Variants in MPC1 observed in about 807,000 individuals in gnomAD.
MPC1 encodes the protein mitochondrial pyruvate carrier 1.
Under a neutral mutation model 13.9 loss-of-function variants are expected in MPC1, and 6 were observed. The ratio of observed to expected loss-of-function variants is 0.43; its 90% CI spans 0.24 to 0.85. MPC1 has a LOEUF of 0.85. Ranked by LOEUF, MPC1 falls within the 40% of genes least tolerant of loss-of-function variation. The pLI is 0.24. For missense variants in MPC1, 115 were observed against 143.3 expected, an observed-to-expected ratio of 0.80 and a Z score of 1.01; for synonymous variants, 47 against 50.5, an observed-to-expected ratio of 0.93 and a Z score of 0.29.
chr6:166,372,434 A>C (rs940069741), intron 1 of MPC1, among the ~76,000 whole-genome samples: 1 of 151,410 alleles, frequency 6.6e-6, no homozygotes, highest in African/African-American at 2.5e-5. Context: ...CAAATGTATG[A>C]GAATAAGGAT....
intron 1 of MPC1, among the ~76,000 whole-genome samples, chr6:166,378,982 G>A (rs1024155177): frequency 1.3e-5 from 2 of 152,046 alleles, no homozygotes; most frequent in South Asian, 4.1e-4. Flanking sequence ...TAGGTTTAAC[G>A]GTATTATTAT....
At position 166,382,905 on chromosome 6, in the gene MPC1, T is replaced by G; in HGVS notation, c.-29A>C. 1 of 1,579,624 alleles carries G rather than the reference T, an allele frequency of 6.3e-7. No homozygotes were observed. Among genetic ancestry groups the G allele is most frequent in the Admixed American group, 1.7e-5 (1 of 57,344 alleles). ...TGTGCCGACACCAGACCCCGAGTGG[T>G]CCCTGCCTCTGCTGCCGCTTCCCAG... is the stretch of plus-strand genomic sequence containing the variant. On this transcript the variant is annotated 5_prime_UTR_variant, in exon 1 of 5. Transcript: ENST00000360961.
At chr6:166,382,657 C>T (rs745351305) in intron 1 of MPC1, 149 bp downstream of exon 1, 23 of 781,808 alleles carry the variant, frequency 2.9e-5, no homozygotes, top group African/African-American at 3.7e-5. Context: ...TGGGGCCCCC[C>T]TGACAAGCGC....
intron 1 of MPC1, among the ~76,000 whole-genome samples, chr6:166,378,243 C>T (rs1779639766): frequency 6.6e-6 from 1 of 152,124 alleles, no homozygotes; most frequent in Non-Finnish European, 1.5e-5. Context: ...GAAAGCTTTC[C>T]TGGAGACTCA....
intron 1 of MPC1, among the ~76,000 whole-genome samples, chr6:166,371,081 T>C (rs917824771): frequency 1.3e-5 from 2 of 152,216 alleles, no homozygotes; most frequent in African/African-American, 4.8e-5. Context: ...CTGTGGCTAG[T>C]GGCTCTCAAA....
rs3734604 is a variant in MPC1, at chr6:166,381,365, G to A, written c.71+1441C>T. 6.1e-4 allele frequency among the ~76,000 whole-genome samples: 93 copies of A among 152,256 alleles called. 3 individuals carry two copies. The East Asian group carries it at 0.016, about 26-fold the overall frequency. Reference sequence around the variant, plus strand: ...TTTCCTACCCTACTGCTCTATAAAAGTAGAAGTAAACAGTATTTGCAATAA... The same window carrying A: ...TTTCCTACCCTACTGCTCTATAAAAATAGAAGTAAACAGTATTTGCAATAA... On this transcript the variant is annotated intron_variant, in intron 1 of 4. Transcript: ENST00000360961.
chr6:166,370,165 G>A, intron 2 of MPC1, 53 bp downstream of exon 2: 2 of 780,966 alleles, frequency 2.6e-6, no homozygotes, highest in Non-Finnish European at 4.8e-6. Context: ...CCCTAACTCT[G>A]TTAATGCAGA....
At chr6:166,380,262 C>T (rs1779720147) in intron 1 of MPC1, among the ~76,000 whole-genome samples, 1 of 152,174 alleles carries the variant, frequency 6.6e-6, no homozygotes, top group Non-Finnish European at 1.5e-5. Flanking sequence ...ATTTAATTTT[C>T]TTGATAACCC....
chr6:166,368,729 T>C (rs890441141), intron 2 of MPC1: 1 of 982,976 alleles, frequency 1.0e-6, no homozygotes, highest in Non-Finnish European at 1.2e-6. Context: ...CCTTACCTAC[T>C]TACTTCTTTT....
Position 166,365,714 on chromosome 6 carries a change from A to G in MPC1, c.305+260T>C, listed in dbSNP as rs1166526570. On this transcript the variant is annotated intron_variant, in intron 4 of 4. Coordinates refer to ENST00000360961, the MANE Select transcript of MPC1 (RefSeq NM_016098.4). This position sits in a 1 kb window ranked among gnomAD's most constrained non-coding sequence, Gnocchi z 4.2. ...AAAATCCAAAATCCAAAATGCTCCA[A>G]TGAGCACTTCCTTTGAGTGTCATGT... Among the ~76,000 whole-genome samples, 1 of 152,224 alleles carries G rather than the reference A, an allele frequency of 6.6e-6. No individual in the cohort carries two copies. The highest frequency in any genetic ancestry group is 6.5e-5 in the Admixed American group (1 of 15,286).
chr6:166,368,127 T>A (rs1328350637), intron 2 of MPC1, among the ~76,000 whole-genome samples: 1 of 152,200 alleles, frequency 6.6e-6, no homozygotes, highest in Non-Finnish European at 1.5e-5. Flanking sequence ...GCTGGCTAAT[T>A]AGTTATCTTG....
intron 1 of MPC1, among the ~76,000 whole-genome samples, chr6:166,379,181 A>G (rs1372313273): frequency 4.0e-5 from 6 of 151,808 alleles, no homozygotes; most frequent in Admixed American, 3.3e-4. Flanking sequence ...TCAGTGAAAT[A>G]AAAAAAAATC....
intron 1 of MPC1, among the ~76,000 whole-genome samples, chr6:166,382,232 C>T (rs1247755049): frequency 1.3e-5 from 2 of 150,760 alleles, no homozygotes; most frequent in Non-Finnish European, 3.0e-5. Context: ...CCACTGTCAC[C>T]CCTGCCGGGA....
Position 166,372,743 on chromosome 6 carries a change from T to TC in MPC1, c.72-2523dup, listed in dbSNP as rs984612930. 1.9e-4 allele frequency among the ~76,000 whole-genome samples: 12 copies of TC among 63,262 alleles called. No homozygotes were observed. The South Asian group carries it at 0.012, about 63-fold the overall frequency. 41.5% of individuals were successfully genotyped at this position (63,262 alleles called of 152,430 possible). A position where few individuals can be genotyped will look rare whatever the true frequency, so the allele number is the denominator to read the frequency against. On this transcript the variant is annotated intron_variant, in intron 1 of 4. Coordinates refer to ENST00000360961, the MANE Select transcript of MPC1 (RefSeq NM_016098.4). ...TTCCAAATATGTATTATTACCTGTT[T>TC]CAAAAAAAAAAGGGGAGATAAATTT...
chr6:166,375,579 C>T (rs1211349100), intron 1 of MPC1, among the ~76,000 whole-genome samples: 1 of 151,962 alleles, frequency 6.6e-6, no homozygotes, highest in Non-Finnish European at 1.5e-5. Flanking sequence ...CTGTATCCCA[C>T]AAATTCTGAT....
intron 1 of MPC1, among the ~76,000 whole-genome samples, chr6:166,372,721 C>A (rs1779425442): frequency 1.4e-5 from 2 of 142,994 alleles, no homozygotes; most frequent in African/African-American, 5.3e-5. Flanking sequence ...AAAATGCTTC[C>A]AAATATGTAT....
Position 166,365,159 on chromosome 6 carries a change from C to T in MPC1, c.*270G>A, listed in dbSNP as rs1779103400. On this transcript the variant is annotated 3_prime_UTR_variant, in exon 5 of 5. Coordinates refer to ENST00000360961, the MANE Select transcript of MPC1 (RefSeq NM_016098.4). The surrounding 1 kb of genome is among the most constrained non-coding windows in gnomAD (Gnocchi z 4.2). ...TAAGTAAATTCTAATAGATGATATA[C>T]ATATTACTGCAGATAAAACCATCAT... 1 of 316,660 alleles carries T rather than the reference C, an allele frequency of 3.2e-6. No individual in the cohort carries two copies. The highest frequency in any genetic ancestry group is 5.7e-6 in the Non-Finnish European group (1 of 175,724). The allele number at this position is 316,660 out of a possible 1,614,324, so 19.6% of individuals were successfully genotyped here. A position where few individuals can be genotyped will look rare whatever the true frequency, so the allele number is the denominator to read the frequency against.
intron 1 of MPC1, among the ~76,000 whole-genome samples, chr6:166,377,430 G>C (rs1426612083): frequency 6.6e-6 from 1 of 152,150 alleles, no homozygotes; most frequent in Non-Finnish European, 1.5e-5. Context: ...ATTTGAAAAG[G>C]AGCAGAGGAG....
intron 1 of MPC1, among the ~76,000 whole-genome samples, chr6:166,377,959 G>A (rs547541910): frequency 1.3e-5 from 2 of 152,330 alleles, no homozygotes; most frequent in South Asian, 2.1e-4. Flanking sequence ...GGAAAACATG[G>A]AGCACAAAAA....
Sources: gnomAD v4.1 joint callset for allele counts (sites outside exome capture counted in the v4.1 genomes callset) on GRCh38, gnomAD v4.1.1 for gene constraint, Gnocchi (gnomAD v3.1) non-coding constraint, MANE v1.5 for transcripts, NCBI Gene and HGNC (gene_info 2026-07-23, HGNC 2026-07-21) for gene names.